SFTPD: variants seen among roughly 807,000 people sequenced by gnomAD.
SFTPD encodes surfactant protein D.
A neutral mutation model predicts 34.6 loss-of-function variants in SFTPD; 18 were observed. The observed-to-expected ratio is 0.52, with a 90% CI of 0.36 to 0.77. The LOEUF (loss-of-function observed/expected upper bound fraction) is 0.77. Among genes scored for constraint, SFTPD ranks in the 30% least tolerant of loss-of-function variants. SFTPD has a pLI of 0.00. For synonymous variants in SFTPD, 155 were observed against 180.9 expected (o/e 0.86, Z 1.15); for missense variants, 433 against 468.9 (o/e 0.92, Z 0.71).
At chr10:79,956,313 TG>T (rs1283134577) in intron 1 of SFTPD, among the ~76,000 whole-genome samples, 1 of 152,222 alleles carries the variant, frequency 6.6e-6, no homozygotes, top group Non-Finnish European at 1.5e-5. Flanking sequence ...TGCAGGACAG[TG>T]GGTGCAGCGC....
intron 1 of SFTPD, among the ~76,000 whole-genome samples, chr10:79,948,731 G>A (rs1441871368): frequency 1.3e-5 from 2 of 152,162 alleles, no homozygotes; most frequent in Non-Finnish European, 2.9e-5. Context: ...GAAGAAATCA[G>A]TGCAGAAAAG....
chr10:79,945,703 C>T (rs973805127), intron 2 of SFTPD, among the ~76,000 whole-genome samples: 2 of 152,124 alleles, frequency 1.3e-5, no homozygotes, highest in African/African-American at 4.8e-5. Flanking sequence ...GCCTTTGGCT[C>T]AATGATTCAT....
intron 1 of SFTPD, among the ~76,000 whole-genome samples, chr10:79,958,940 C>G (rs977882106): frequency 1.3e-5 from 2 of 152,098 alleles, no homozygotes; most frequent in South Asian, 2.1e-4. Context: ...TTATAACAAA[C>G]TGTCTCTCAG....
chr10:79,968,462 A>T (rs1322013894), intron 1 of SFTPD: 2 of 152,146 alleles, frequency 1.3e-5, no homozygotes, highest in Non-Finnish European at 1.5e-5. Context: ...AATGGCCTCC[A>T]GTTCTATCCA....
chr10:79,957,449 C>T (rs1326448627), intron 1 of SFTPD, among the ~76,000 whole-genome samples: 1 of 152,142 alleles, frequency 6.6e-6, no homozygotes, highest in Non-Finnish European at 1.5e-5. Context: ...GCAGAGAAGT[C>T]CTTAAAGGAG....
chr10:79,964,624 G>C (rs56214416), intron 1 of SFTPD, among the ~76,000 whole-genome samples: 2 of 151,634 alleles, frequency 1.3e-5, no homozygotes, highest in African/African-American at 2.4e-5. Flanking sequence ...CCGCTAGCCC[G>C]CCTCTTAGAA....
intron 1 of SFTPD, among the ~76,000 whole-genome samples, chr10:79,956,674 C>G (rs1222059045): frequency 2.0e-5 from 3 of 152,242 alleles, no homozygotes; most frequent in African/African-American, 7.2e-5. Context: ...GGGTGGAGCC[C>G]ACCACAGCTC....
intron 1 of SFTPD, among the ~76,000 whole-genome samples, chr10:79,961,764 T>C (rs989082659): frequency 1.2e-4 from 18 of 152,104 alleles, no homozygotes; most frequent in Non-Finnish European, 2.9e-5. Context: ...GAACTAGAAA[T>C]ACCATTTGAC....
Position 79,941,483 on chromosome 10 carries a change from A to C in SFTPD, c.582T>G (p.Ser194Arg). Residue 194 changes from serine to arginine, a missense_variant, in exon 6 of 8, where the codon AGT (serine) becomes AGG (arginine). Transcript: ENST00000372292. ...ATCCCGGGGGTCCCCTGGCACCTGG[A>C]CTTCCCTGGGGACCCATGGCTCCAG... ...GSAGAMGPQG[S>R]PGARGPPGLK... 8.7e-6 allele frequency: 14 copies of C among 1,612,422 alleles called. No homozygotes were observed. The highest frequency in any genetic ancestry group is 1.2e-5 in the Non-Finnish European group (14 of 1,179,084).
At chr10:79,941,660 G>A (rs1034830312) in intron 5 of SFTPD, 146 bp from the exon 6 acceptor site, 43 of 658,604 alleles carry the variant, frequency 6.5e-5, no homozygotes, top group Non-Finnish European at 8.8e-5. Context: ...GCAGCTCCCT[G>A]TACACTGACT....
chr10:79,967,862 T>C (rs1227316944), intron 1 of SFTPD, among the ~76,000 whole-genome samples: 1 of 151,828 alleles, frequency 6.6e-6, no homozygotes, highest in Non-Finnish European at 1.5e-5. Context: ...AATGAGCACC[T>C]TGTGACCCCC....
intron 4 of SFTPD, 50 bp from the exon 5 acceptor site, chr10:79,942,120 G>A: frequency 7.2e-7 from 1 of 1,384,284 alleles, no homozygotes; most frequent in Non-Finnish European, 1.0e-6. Context: ...GCGTTCAGCA[G>A]GTGTGGTTTT....
chr10:79,971,287 C>T (rs1359075154), intron 1 of SFTPD: 1 of 152,118 alleles, frequency 6.6e-6, no homozygotes, highest in Admixed American at 6.5e-5. Context: ...AATTTTGCAT[C>T]TCTGTTCATC....
Position 79,939,758 on chromosome 10 carries a change from C to G in SFTPD, c.751+947G>C, listed in dbSNP as rs141977069. Among the ~76,000 whole-genome samples, 8 of 152,344 alleles carry G rather than the reference C, an allele frequency of 5.3e-5. No individual in the cohort carries two copies. In the East Asian group the frequency reaches 1.5e-3, roughly 29 times the overall value. ...AAGCCAAACCTGTGTTGCACCCAGT[C>G]AGCCCTTTTATGCTCTACTACTTCA... On this transcript the variant is annotated intron_variant, in intron 7 of 7. Coordinates refer to ENST00000372292, the MANE Select transcript of SFTPD (RefSeq NM_003019.5).
At chr10:79,974,627 T>G (rs1189245873) in intron 1 of SFTPD, among the ~76,000 whole-genome samples, 1 of 152,204 alleles carries the variant, frequency 6.6e-6, no homozygotes, top group African/African-American at 2.4e-5. Context: ...TCCATCTATC[T>G]CTAAATGCAT....
chr10:79,947,177 G>T (rs1415158877), intron 1 of SFTPD, among the ~76,000 whole-genome samples: 1 of 152,250 alleles, frequency 6.6e-6, no homozygotes, highest in Non-Finnish European at 1.5e-5. Context: ...GTCTGAAAAT[G>T]CAGCCAGAGT....
intron 1 of SFTPD, chr10:79,982,356 C>G: frequency 9.9e-7 from 1 of 1,009,232 alleles, no homozygotes; most frequent in South Asian, 2.2e-5. Flanking sequence ...AAGGCCCTGG[C>G]AGCCCCGCGC....
chr10:79,952,848 A>G (rs1842718236), upstream of SFTPD, among the ~76,000 whole-genome samples: 1 of 152,224 alleles, frequency 6.6e-6, no homozygotes, highest in Non-Finnish European at 1.5e-5. Context: ...GCCCTAAAGA[A>G]GTTCCCAAAT....
chr10:79,962,866 A>T (rs1433491785), intron 1 of SFTPD, among the ~76,000 whole-genome samples: 1 of 152,190 alleles, frequency 6.6e-6, no homozygotes, highest in African/African-American at 2.4e-5. Flanking sequence ...GTGTAAATTT[A>T]TCAAAACCTT....
Sources: allele counts gnomAD v4.1 joint callset (sites outside exome capture counted in the v4.1 genomes callset), GRCh38; gene constraint gnomAD v4.1.1; transcripts MANE v1.5; gene names NCBI Gene and HGNC (gene_info 2026-07-23, HGNC 2026-07-21).